HOMEZ: variants seen among roughly 807,000 people sequenced by gnomAD.
The protein encoded by HOMEZ is homeobox and leucine zipper protein Homez.
A neutral mutation model predicts 50.1 loss-of-function variants in HOMEZ; 20 were observed. The observed-to-expected ratio is 0.40, with a 90% confidence interval of 0.28 to 0.58. The LOEUF (loss-of-function observed/expected upper bound fraction) is 0.58. Ranked by LOEUF, HOMEZ falls within the 20% of genes least tolerant of loss-of-function variation. The probability of loss-of-function intolerance (pLI) is 0.46; values close to 1 mark genes in which losing one functional copy is unlikely to be tolerated. For synonymous variants in HOMEZ, 239 were observed against 254.7 expected, an observed-to-expected ratio of 0.94 and a Z score of 0.59; for missense variants, 579 against 680.5, an observed-to-expected ratio of 0.85 and a Z score of 1.66.
At chr14:23,278,416 A>G (rs1373569825) in intron 1 of HOMEZ, among the ~76,000 whole-genome samples, 1 of 152,126 alleles carries the variant, frequency 6.6e-6, no homozygotes, top group Non-Finnish European at 1.5e-5. Context: ...CCTAGGCTGG[A>G]GTGCAGTGGC....
At position 23,276,263 on chromosome 14, in the gene HOMEZ, G is replaced by C. The variant is rs765451558; in HGVS notation, c.965C>G (p.Ala322Gly). 1.5e-5 allele frequency: 25 copies of C among 1,613,980 alleles called. No homozygotes were observed. The South Asian group carries it at 2.5e-4, about 16-fold the overall frequency. The change falls in exon 2 of 2, where the codon GCA becomes GGA. Residue 322 changes from alanine to glycine, a missense_variant. Ala to Gly is a moderately conservative substitution (Grantham distance 60). Coordinates refer to ENST00000357460, the MANE Select transcript of HOMEZ (RefSeq NM_020834.3). The surrounding 1 kb of genome is among the most constrained non-coding windows in gnomAD (Gnocchi z 4.1). ...VPQSVSPSEQ[A>G]LPPHLEPAWP... ...GGCTGGTTCCAGATGTGGGGGTAATGCCTGTTCACTGGGTGACACTGACTG... is the reference window on the plus strand; with the variant it reads ...GGCTGGTTCCAGATGTGGGGGTAATCCCTGTTCACTGGGTGACACTGACTG...
Position 23,285,991 on chromosome 14 carries a change from G to A in HOMEZ, c.-39C>T. 2 of 1,235,300 alleles carry A rather than the reference G, an allele frequency of 1.6e-6. No homozygotes were observed. Among genetic ancestry groups the A allele is most frequent in the Admixed American group, 4.2e-5 (1 of 23,710 alleles). 76.5% of individuals were successfully genotyped at this position (1,235,300 alleles called of 1,614,324 possible). A position where few individuals can be genotyped will look rare whatever the true frequency, so the allele number is the denominator to read the frequency against. Reference sequence around the variant, plus strand: ...GTGGGGGAGAGGGCAGGGGGCCTCCGAGTGGGAGTGGGGTTGCTGCCCGGT... The same window carrying A: ...GTGGGGGAGAGGGCAGGGGGCCTCCAAGTGGGAGTGGGGTTGCTGCCCGGT... On this transcript the variant is annotated 5_prime_UTR_variant, in exon 1 of 2. Coordinates refer to ENST00000357460, the MANE Select transcript of HOMEZ (RefSeq NM_020834.3).
chr14:23,275,605 A>G lies in HOMEZ; in HGVS notation c.1623T>C (p.Asp541=), dbSNP rs1566448124. Residue 541 remains aspartate, a synonymous_variant, in exon 2 of 2, where the codon GAT becomes GAC. Transcript: ENST00000357460. Reference sequence around the variant, plus strand: ...CTTGTATGATCACATCATCATCATCATCATCATCATCTTCCTCCTCCTCCT... The same window carrying G: ...CTTGTATGATCACATCATCATCATCGTCATCATCATCTTCCTCCTCCTCCT... ...EEEEEEEDDD[D]DDDDVIIQD The G allele has an allele frequency of 3.9e-6, 6 of 1,537,416 alleles. No homozygotes were observed. Among genetic ancestry groups the G allele is most frequent in the Admixed American group, 2.0e-5 (1 of 49,426 alleles).
chr14:23,276,616 G>A lies in HOMEZ; in HGVS notation c.612C>T (p.Ser204=). The change falls in exon 2 of 2, where the codon TCC becomes TCT. Residue 204 remains serine (S), a synonymous_variant. Coordinates refer to ENST00000357460, the MANE Select transcript of HOMEZ (RefSeq NM_020834.3). The surrounding 1 kb of genome is among the most constrained non-coding windows in gnomAD (Gnocchi z 4.1). ...ATGCTCCACTGCCAGGTGTCATCAG[G>A]GACTCCTTTAATTTCTGGTGACTCT... ...LPQSHQKLKE[S]LMTPGSGAFP... 1 of 1,613,984 alleles carries A rather than the reference G, an allele frequency of 6.2e-7. No individual in the cohort carries two copies. Among genetic ancestry groups the A allele is most frequent in the Non-Finnish European group, 8.5e-7 (1 of 1,179,886 alleles).
rs534546447 is a variant in HOMEZ, at chr14:23,273,902, C to T, written c.*1673G>A. The T allele has an allele frequency of 6.5e-6, 1 of 152,748 alleles. No individual in the cohort carries two copies. Among genetic ancestry groups the T allele is most frequent in the South Asian group, 2.1e-4 (1 of 4,832 alleles). 9.5% of individuals were successfully genotyped at this position (152,748 alleles called of 1,614,324 possible). ...CTGGCTGGCGATAGATGCTGAACTA[C>T]TTCCTTTTTACAGTTTTTGTTCTTT... On this transcript the variant is annotated 3_prime_UTR_variant, in exon 2 of 2. Transcript: ENST00000357460.
At chr14:23,277,278 CA>C in intron 1 of HOMEZ, 91 bp from the exon 2 acceptor site, 1 of 1,169,430 alleles carries the variant, frequency 8.6e-7, no homozygotes, top group South Asian at 1.6e-5. Flanking sequence ...GACACCAGAA[CA>C]ATTTAATCTG....
chr14:23,274,581 GAAA>G lies in HOMEZ; in HGVS notation c.*991_*993del, dbSNP rs1886291507. 1.3e-5 allele frequency: 2 copies of G among 152,588 alleles called. No homozygotes were observed. Among genetic ancestry groups the G allele is most frequent in the South Asian group, 4.1e-4 (2 of 4,832 alleles). The allele number at this position is 152,588 out of a possible 1,614,324, so 9.5% of individuals were successfully genotyped here. On this transcript the variant is annotated 3_prime_UTR_variant, in exon 2 of 2. Transcript: ENST00000357460. Reference sequence around the variant, plus strand: ...ACAGAGTGAGGATTTTGGAAAGATAGAAAAAGCTACAAGGCAAAGTGGTCACAG... The same window carrying G: ...ACAGAGTGAGGATTTTGGAAAGATAGAAGCTACAAGGCAAAGTGGTCACAG...
chr14:23,275,907 ATGG>A lies in HOMEZ; in HGVS notation c.1318_1320del (p.Pro440del), dbSNP rs1389885587. 5 of 1,604,998 alleles carry A rather than the reference ATGG, an allele frequency of 3.1e-6. No individual in the cohort carries two copies. Among genetic ancestry groups the A allele is most frequent in the Non-Finnish European group, 4.3e-6 (5 of 1,175,154 alleles). ...GCCCTTTCGTTCAAGGAGCGGGTTGATGGTGGTGGTGTAGGAATTGCTGGGTCT... is the reference window on the plus strand; with the variant it reads ...GCCCTTTCGTTCAAGGAGCGGGTTGATGGTGGTGTAGGAATTGCTGGGTCT... On this transcript the variant is annotated inframe_deletion, in exon 2 of 2. Transcript: ENST00000357460.
At chr14:23,283,969 T>C (rs1426673738) in intron 1 of HOMEZ, among the ~76,000 whole-genome samples, 1 of 152,114 alleles carries the variant, frequency 6.6e-6, no homozygotes, top group East Asian at 1.9e-4. Context: ...TTAGAGACAA[T>C]CTGAAGCACT....
rs1886333457 is a variant in HOMEZ at position 23,275,669 on chromosome 14, T to G, written c.1559A>C (p.Glu520Ala). ...VVCLDEEEEE[E>A]EEELPEDDEE... ...ATCATCTTCTGGCAGTTCTTCCTCC[T>G]CCTCTTCCTCTTCTTCATCTAGACA... Residue 520 changes from glutamate (E) to alanine (A), a missense_variant, in exon 2 of 2, where the codon GAG (glutamate) becomes GCG (alanine). Glu to Ala is a moderately radical substitution (Grantham distance 107). Coordinates refer to ENST00000357460, the MANE Select transcript of HOMEZ (RefSeq NM_020834.3). 1 of 1,579,108 alleles carries G rather than the reference T, an allele frequency of 6.3e-7. No homozygotes were observed. The highest frequency in any genetic ancestry group is 8.6e-7 in the Non-Finnish European group (1 of 1,161,712).
rs1886343576 is a variant in HOMEZ at position 23,275,964 on chromosome 14, T to C, written c.1264A>G (p.Asn422Asp). The change falls in exon 2 of 2, where the codon AAC becomes GAC. Residue 422 changes from asparagine to aspartate, a missense_variant. Physicochemically the swap from Asn to Asp is conservative, Grantham distance 23. Coordinates refer to ENST00000357460, the MANE Select transcript of HOMEZ (RefSeq NM_020834.3). ...AAACTAGGGGCACCAGGTACTGCGT[T>C]GTCCCGAAACCACTTTAGTTGCCCA... ...KHGQLKWFRD[N>D]AVPGAPSFQD... 1 of 1,612,916 alleles carries C rather than the reference T, an allele frequency of 6.2e-7. No individual in the cohort carries two copies. Among genetic ancestry groups the C allele is most frequent in the Non-Finnish European group, 8.5e-7 (1 of 1,179,466 alleles).
chr14:23,272,884 C>A lies in HOMEZ; in HGVS notation c.*2691G>T. On this transcript the variant is annotated 3_prime_UTR_variant, in exon 2 of 2. Coordinates refer to ENST00000357460, the MANE Select transcript of HOMEZ (RefSeq NM_020834.3). ...AGTGGGAGAGAAGCATGGACCACTT[C>A]TAGATAGATCATCTTCAAGATCTGA... 1 of 1,529,016 alleles carries A rather than the reference C, an allele frequency of 6.5e-7. No homozygotes were observed. 94.7% of individuals were successfully genotyped at this position (1,529,016 alleles called of 1,614,324 possible). A position where few individuals can be genotyped will look rare whatever the true frequency, so the allele number is the denominator to read the frequency against.
chr14:23,280,924 C>T (rs1287847388), intron 1 of HOMEZ, among the ~76,000 whole-genome samples: 1 of 151,362 alleles, frequency 6.6e-6, no homozygotes, highest in East Asian at 2.0e-4. Flanking sequence ...CAGGCGCACG[C>T]CACCACACCT....
chr14:23,284,622 G>C (rs1886622311), intron 1 of HOMEZ, among the ~76,000 whole-genome samples: 1 of 152,134 alleles, frequency 6.6e-6, no homozygotes, highest in African/African-American at 2.4e-5. Context: ...ATTAAAAATT[G>C]TTTCTTCAGG....
At chr14:23,281,799 A>T (rs1366175908) in intron 1 of HOMEZ, among the ~76,000 whole-genome samples, 1 of 137,456 alleles carries the variant, frequency 7.3e-6, no homozygotes, top group Non-Finnish European at 1.5e-5. Flanking sequence ...CTGTCTCTAC[A>T]AATAATAATA....
chr14:23,276,336 C>T lies in HOMEZ; in HGVS notation c.892G>A (p.Gly298Arg), dbSNP rs371638538. 26 of 1,613,886 alleles carry T rather than the reference C, an allele frequency of 1.6e-5. No homozygotes were observed. The highest frequency in any genetic ancestry group is 2.1e-5 in the Non-Finnish European group (25 of 1,179,852). ...TSSSFQVLANGATAASKPLQP... is the reference protein window; with the variant it reads ...TSSSFQVLANRATAASKPLQP... ...AGGGGTTTAGAGGCGGCAGTAGCTC[C>T]ATTAGCCAGTACCTGGAAAGAAGAA... The change falls in exon 2 of 2, where the codon GGA (glycine) becomes AGA (arginine). Residue 298 changes from glycine (G) to arginine (R), a missense_variant. Physicochemically the swap from Gly to Arg is moderately radical, Grantham distance 125. Coordinates refer to ENST00000357460, the MANE Select transcript of HOMEZ (RefSeq NM_020834.3). This position sits in a 1 kb window ranked among gnomAD's most constrained non-coding sequence, Gnocchi z 4.1.
chr14:23,282,698 C>T (rs982459365), intron 1 of HOMEZ, among the ~76,000 whole-genome samples: 1 of 152,214 alleles, frequency 6.6e-6, no homozygotes, highest in Non-Finnish European at 1.5e-5. Flanking sequence ...GAATATAAGG[C>T]AGGCACATTT....
rs554585438 is a variant in HOMEZ, at chr14:23,273,883, G to A, written c.*1692C>T. ...TTGATGGCTGAGAAACAACCTGGCT[G>A]GCGATAGATGCTGAACTACTTCCTT... On this transcript the variant is annotated 3_prime_UTR_variant, in exon 2 of 2. Coordinates refer to ENST00000357460, the MANE Select transcript of HOMEZ (RefSeq NM_020834.3). The A allele has an allele frequency of 6.5e-6, 1 of 152,728 alleles. No individual in the cohort carries two copies. The highest frequency in any genetic ancestry group is 2.1e-4 in the South Asian group (1 of 4,834). The allele number at this position is 152,728 out of a possible 1,614,324, so 9.5% of individuals were successfully genotyped here.
At chr14:23,283,092 A>G (rs900192920) in intron 1 of HOMEZ, among the ~76,000 whole-genome samples, 4 of 152,224 alleles carry the variant, frequency 2.6e-5, no homozygotes, top group Non-Finnish European at 5.9e-5. Flanking sequence ...TTGAGTAGAA[A>G]AAGAAGAGAA....
Sources: allele counts gnomAD v4.1 joint callset (sites outside exome capture counted in the v4.1 genomes callset), GRCh38; gene constraint gnomAD v4.1.1; non-coding constraint Gnocchi (gnomAD v3.1); transcripts MANE v1.5; gene names NCBI Gene and HGNC (gene_info 2026-07-23, HGNC 2026-07-21).